SHISA6: variants seen among roughly 807,000 people sequenced by gnomAD.
The protein encoded by SHISA6 is shisa family member 6.
Under a neutral mutation model 47.9 loss-of-function variants are expected in SHISA6, and 22 were observed. That is an observed-to-expected ratio of 0.46 (90% CI 0.33 to 0.66). SHISA6 has a LOEUF of 0.66. Among genes scored for constraint, SHISA6 ranks in the 30% least tolerant of loss-of-function variants. The pLI is 0.02. For synonymous variants in SHISA6, 388 were observed against 337.8 expected (o/e 1.15, Z -1.63); for missense variants, 680 against 764.6 (o/e 0.89, Z 1.30).
chr17:11,313,666 A>T (rs1910409082), intron 2 of SHISA6, among the ~76,000 whole-genome samples: 1 of 152,128 alleles, frequency 6.6e-6, no homozygotes, highest in South Asian at 2.1e-4. Context: ...TTTGAAGGGT[A>T]TGGAGGAGTC....
At chr17:11,367,587 C>T (rs1912498480) in intron 2 of SHISA6, among the ~76,000 whole-genome samples, 1 of 152,154 alleles carries the variant, frequency 6.6e-6, no homozygotes, top group South Asian at 2.1e-4. Flanking sequence ...CTAAGAGACC[C>T]TGGGCAGTCA....
At chr17:11,285,911 A>G (rs1269436764) in intron 2 of SHISA6, among the ~76,000 whole-genome samples, 1 of 149,386 alleles carries the variant, frequency 6.7e-6, no homozygotes, top group African/African-American at 2.5e-5. Context: ...ATCTTGGCTC[A>G]CTGCAACGTC....
At chr17:11,331,651 G>GCT (rs1270099524) in intron 2 of SHISA6, among the ~76,000 whole-genome samples, 1 of 151,848 alleles carries the variant, frequency 6.6e-6, no homozygotes, top group African/African-American at 2.4e-5. Context: ...CACTCCCTTT[G>GCT]CTCTCTCTCT....
chr17:11,376,646 C>G (rs555231051), intron 2 of SHISA6, among the ~76,000 whole-genome samples: 2 of 152,270 alleles, frequency 1.3e-5, no homozygotes, highest in South Asian at 4.1e-4. Context: ...TTTAACCAGC[C>G]CTTCTTCTCT....
chr17:11,477,760 T>C (rs940031928), intron 3 of SHISA6, among the ~76,000 whole-genome samples: 2 of 150,836 alleles, frequency 1.3e-5, no homozygotes, highest in African/African-American at 2.5e-5. Context: ...CATCATTTTT[T>C]ATGGCTGCAT....
intron 2 of SHISA6, among the ~76,000 whole-genome samples, chr17:11,317,089 G>A (rs1337560880): frequency 2.6e-5 from 4 of 151,890 alleles, no homozygotes; most frequent in Non-Finnish European, 1.5e-5. Flanking sequence ...TTTTATAGAT[G>A]TTTGGAAAAT....
chr17:11,249,087 G>A (rs188772842), intron 1 of SHISA6, among the ~76,000 whole-genome samples: 3 of 148,288 alleles, frequency 2.0e-5, no homozygotes, highest in East Asian at 2.0e-4. Context: ...GCAGTGAGCC[G>A]AGATCGCGCC....
At chr17:11,458,652 A>C (rs1274484323) in intron 3 of SHISA6, among the ~76,000 whole-genome samples, 1 of 152,114 alleles carries the variant, frequency 6.6e-6, no homozygotes, top group African/African-American at 2.4e-5. Flanking sequence ...TATTCAGTGC[A>C]CAAACCCACT....
At chr17:11,304,473 G>A (rs1910036011) in intron 2 of SHISA6, among the ~76,000 whole-genome samples, 1 of 148,104 alleles carries the variant, frequency 6.8e-6, no homozygotes. Flanking sequence ...CTGGTACTGG[G>A]ATGCAATGGG....
chr17:11,467,750 T>C (rs924299826), intron 3 of SHISA6, among the ~76,000 whole-genome samples: 5 of 152,192 alleles, frequency 3.3e-5, no homozygotes, highest in African/African-American at 1.2e-4. Flanking sequence ...ACAATATCCC[T>C]GTTCTGAGAG....
In SHISA6 at chr17:11,557,859, C is replaced by T. The variant is rs919413991; in HGVS notation, c.1211C>T (p.Pro404Leu). 8 of 1,551,324 alleles carry T rather than the reference C, an allele frequency of 5.2e-6. No homozygotes were observed. The Admixed American group carries it at 5.9e-5, about 11-fold the overall frequency. The change falls in exon 6 of 6, where the codon CCG (proline) becomes CTG (leucine). Residue 404 changes from proline (P) to leucine (L), a missense_variant. Physicochemically the swap from Pro to Leu is moderately conservative, Grantham distance 98. Transcript: ENST00000441885. ...GTCATCCAGATGTCCCAACAGAAGC[C>T]GTTGCCAAGGGAACGACCCCGCCGG... ...LNVIQMSQQK[P>L]LPRERPRRPI...
intron 3 of SHISA6, among the ~76,000 whole-genome samples, chr17:11,396,162 G>T (rs1056199026): frequency 7.2e-5 from 11 of 152,132 alleles, no homozygotes; most frequent in African/African-American, 2.4e-4. Flanking sequence ...TTTCCCCTTA[G>T]ATCTGTTTTT....
At chr17:11,369,639 G>A (rs1172244761) in intron 2 of SHISA6, among the ~76,000 whole-genome samples, 1 of 152,168 alleles carries the variant, frequency 6.6e-6, no homozygotes, top group Non-Finnish European at 1.5e-5. Flanking sequence ...CTCATAAGAC[G>A]CTGGGTGCAA....
At chr17:11,276,995 G>T (rs1253460805) in intron 2 of SHISA6, among the ~76,000 whole-genome samples, 1 of 152,088 alleles carries the variant, frequency 6.6e-6, no homozygotes, top group Non-Finnish European at 1.5e-5. Flanking sequence ...GGGTACGAGG[G>T]GAAGACAGGA....
rs895341292 is a variant in SHISA6 at position 11,558,760 on chromosome 17, A to G, written c.*456A>G. ...CCGGATAGGCTACTCGGTCTCATTC[A>G]TTCATCTAGAACCGCATCACAGAAA... is the stretch of plus-strand genomic sequence containing the variant. On this transcript the variant is annotated 3_prime_UTR_variant, in exon 6 of 6. Transcript: ENST00000441885. 1 of 202,586 alleles carries G rather than the reference A, an allele frequency of 4.9e-6. No individual in the cohort carries two copies. The allele number at this position is 202,586 out of a possible 1,614,324, so 12.5% of individuals were successfully genotyped here. A position where few individuals can be genotyped will look rare whatever the true frequency, so the allele number is the denominator to read the frequency against.
intron 3 of SHISA6, among the ~76,000 whole-genome samples, chr17:11,444,922 C>T (rs555720122): frequency 1.5e-4 from 23 of 152,284 alleles, no homozygotes; most frequent in Admixed American, 4.6e-4. Flanking sequence ...CAGAGGAGAT[C>T]ACAATTTTCT....
intron 4 of SHISA6, 70 bp from the exon 5 acceptor site, chr17:11,555,670 T>A: frequency 1.4e-6 from 2 of 1,435,564 alleles, no homozygotes; most frequent in Non-Finnish European, 1.8e-6. Context: ...GAATCAGGGG[T>A]GAGGCAGAAA....
chr17:11,464,538 T>A lies in SHISA6; in HGVS notation c.895+85029T>A, dbSNP rs947442292. Among the ~76,000 whole-genome samples the A allele has an allele frequency of 2.6e-5, 4 of 152,262 alleles. No individual in the cohort carries two copies. In the South Asian group the frequency reaches 6.2e-4, roughly 24 times the overall value. ...AGGCCCCTGTCTATACACACCCACGTCCATGAAATGAATGCATTACACTCT... is the reference window on the plus strand; with the variant it reads ...AGGCCCCTGTCTATACACACCCACGACCATGAAATGAATGCATTACACTCT... On this transcript the variant is annotated intron_variant, in intron 3 of 5. Transcript: ENST00000441885.
chr17:11,483,777 G>A (rs1380147250), intron 3 of SHISA6, among the ~76,000 whole-genome samples: 3 of 152,088 alleles, frequency 2.0e-5, no homozygotes, highest in Non-Finnish European at 2.9e-5. Flanking sequence ...GAGCAATAGC[G>A]AGACCCTGTC....
Sources: allele counts gnomAD v4.1 joint callset (sites outside exome capture counted in the v4.1 genomes callset), GRCh38; gene constraint gnomAD v4.1.1; transcripts MANE v1.5; gene names NCBI Gene and HGNC (gene_info 2026-07-23, HGNC 2026-07-21).